The following UBE3C variants were observed in gnomAD, a reference collection of about 807,000 sequenced individuals.
UBE3C encodes the protein ubiquitin-protein ligase E3C.
UBE3C carries 42 observed loss-of-function variants against 129.4 expected under a neutral mutation model. The ratio of observed to expected loss-of-function variants is 0.32; its 90% CI spans 0.25 to 0.42. The LOEUF is 0.42. Among genes scored for constraint, UBE3C ranks in the 10% least tolerant of loss-of-function variants. The pLI, the probability that UBE3C is intolerant of heterozygous loss-of-function variation, is 1.00. For synonymous variants in UBE3C, 510 were observed against 492.4 expected (o/e 1.04, Z -0.47); for missense variants, 1,049 against 1,319.1 (o/e 0.80, Z 3.17).
At chr7:157,156,017 T>G (rs756935672) in intron 1 of UBE3C, among the ~76,000 whole-genome samples, 6 of 152,172 alleles carry the variant, frequency 3.9e-5, no homozygotes, top group Non-Finnish European at 8.8e-5. Flanking sequence ...GTACAATAAA[T>G]TGAAACCAAA....
At chr7:157,139,470 G>C in intron 1 of UBE3C, 132 bp downstream of exon 1, 1 of 827,770 alleles carries the variant, frequency 1.2e-6, no homozygotes, top group Non-Finnish European at 1.7e-6. Flanking sequence ...CCTCCCTGGC[G>C]GGGACTCGGG....
Position 157,178,723 on chromosome 7 carries a change from T to A in UBE3C, c.492T>A (p.Asn164Lys), listed in dbSNP as rs1484025911. ...LLQNCNDDSL[N>K]VALPMRMLEV... ...AAAACTGTAATGATGACAGTTTGAA[T>A]GTTGCACTTCCAATGAGAATGCTTG... Residue 164 changes from asparagine to lysine, a missense_variant, in exon 6 of 23, where the codon AAT becomes AAA. Asn to Lys is a moderately conservative substitution (Grantham distance 94). This residue lies in a region of UBE3C where 489 missense variants were observed against 513.8 expected (regional missense o/e 0.95). Transcript: ENST00000348165. 1.9e-6 allele frequency: 3 copies of A among 1,614,222 alleles called. No homozygotes were observed. Among genetic ancestry groups the A allele is most frequent in the South Asian group, 1.1e-5 (1 of 91,074 alleles).
At chr7:157,197,543 C>A in intron 10 of UBE3C, 2 of 1,064,390 alleles carry the variant, frequency 1.9e-6, no homozygotes, top group South Asian at 1.7e-5. Flanking sequence ...AGGTATTGTC[C>A]TTATTAATAC....
intron 10 of UBE3C, among the ~76,000 whole-genome samples, chr7:157,190,102 GT>G (rs1808915340): frequency 6.6e-6 from 1 of 152,156 alleles, no homozygotes; most frequent in African/African-American, 2.4e-5. Flanking sequence ...GCCCTGCTTA[GT>G]TTTTTAGTTC....
rs950931331 is a variant in UBE3C at position 157,184,105 on chromosome 7, G to A, written c.1143+76G>A. On this transcript the variant is annotated intron_variant, in intron 9 of 22. Transcript: ENST00000348165. The stretch of plus-strand genomic sequence containing the variant: ...GGATCTTCTAGCTTTCTGTCCACCC[G>A]TAGTTTCAGTTACACAAGTCAGACC... 6.6e-5 allele frequency: 102 copies of A among 1,557,170 alleles called. No homozygotes were observed. The African/African-American group carries it at 9.3e-4, about 14-fold the overall frequency.
intron 1 of UBE3C, among the ~76,000 whole-genome samples, chr7:157,149,775 A>G (rs1043320013): frequency 2.0e-5 from 3 of 152,208 alleles, no homozygotes; most frequent in Admixed American, 6.5e-5. Flanking sequence ...TCACTCTGTG[A>G]CTTTTCTTTA....
chr7:157,233,253 C>T (rs191287458), intron 18 of UBE3C, among the ~76,000 whole-genome samples: 1 of 152,090 alleles, frequency 6.6e-6, no homozygotes, highest in South Asian at 2.1e-4. Flanking sequence ...TTTGAAGGGC[C>T]AAATCTTATT....
chr7:157,220,657 G>A (rs1486554401), intron 14 of UBE3C, 32 bp from the exon 15 acceptor site: 1 of 1,613,122 alleles, frequency 6.2e-7, no homozygotes. Context: ...CTAGAGCACA[G>A]GGGAGTTCTG....
intron 21 of UBE3C, chr7:157,256,709 C>A: frequency 1.8e-6 from 1 of 541,202 alleles, no homozygotes; most frequent in Non-Finnish European, 3.3e-6. Flanking sequence ...ACAGCCTCGG[C>A]ATGAGATGGG....
At chr7:157,212,991 C>T (rs766059308) in intron 13 of UBE3C, among the ~76,000 whole-genome samples, 1 of 152,272 alleles carries the variant, frequency 6.6e-6, no homozygotes, top group Admixed American at 6.5e-5. Context: ...CTCCTAGGCT[C>T]GAGTGATCTG....
chr7:157,184,792 A>G (rs1808763248), intron 9 of UBE3C, among the ~76,000 whole-genome samples: 1 of 152,232 alleles, frequency 6.6e-6, no homozygotes, highest in Non-Finnish European at 1.5e-5. Flanking sequence ...ACTAGTATCG[A>G]ATGAAAGAGA....
chr7:157,224,304 C>G (rs1445149901), intron 16 of UBE3C, among the ~76,000 whole-genome samples: 1 of 152,140 alleles, frequency 6.6e-6, no homozygotes, highest in African/African-American at 2.4e-5. Flanking sequence ...AAGCGATTCT[C>G]CTGCTTCAGC....
chr7:157,267,561 T>A, intron 22 of UBE3C, 24 bp from the exon 23 acceptor site: 1 of 1,612,246 alleles, frequency 6.2e-7, no homozygotes, highest in Non-Finnish European at 8.5e-7. Context: ...TACAGTGACA[T>A]CTTGCACACA....
At position 157,262,493 on chromosome 7, in the gene UBE3C, G is replaced by A. The variant is rs529325422; in HGVS notation, c.3082-5092G>A. On this transcript the variant is annotated intron_variant, in intron 22 of 22. Coordinates refer to ENST00000348165, the MANE Select transcript of UBE3C (RefSeq NM_014671.3). ...GGAGTACAATGGCCCATCTCAGCTC[G>A]CTGCAACCTCTGCCTCCTGGGTTCA... 2.4e-4 allele frequency among the ~76,000 whole-genome samples: 31 copies of A among 127,630 alleles called. 1 individual carries two copies. In the South Asian group the frequency reaches 6.5e-3, roughly 27 times the overall value. 83.7% of individuals were successfully genotyped at this position (127,630 alleles called of 152,430 possible).
intron 1 of UBE3C, among the ~76,000 whole-genome samples, chr7:157,157,321 TATC>T (rs1263133573): frequency 6.6e-6 from 1 of 152,150 alleles, no homozygotes; most frequent in Admixed American, 6.5e-5. Flanking sequence ...CACATAAAAA[TATC>T]ATAACCAAGG....
At chr7:157,156,772 G>A (rs1289273310) in intron 1 of UBE3C, among the ~76,000 whole-genome samples, 1 of 149,616 alleles carries the variant, frequency 6.7e-6, no homozygotes. Context: ...TACTTCTCCT[G>A]TCCCCCTTAA....
chr7:157,178,941 C>G, intron 6 of UBE3C, 94 bp downstream of exon 6: 1 of 1,489,242 alleles, frequency 6.7e-7, no homozygotes. Context: ...CCCTCAGTCT[C>G]AATGTCAGAG....
chr7:157,149,747 C>G (rs1276806634), intron 1 of UBE3C, among the ~76,000 whole-genome samples: 1 of 152,166 alleles, frequency 6.6e-6, no homozygotes, highest in Admixed American at 6.5e-5. Flanking sequence ...GAAGTTCTTG[C>G]AAAAGCTGTA....
chr7:157,253,451 T>TA (rs1796669269), intron 19 of UBE3C, among the ~76,000 whole-genome samples: 1 of 152,246 alleles, frequency 6.6e-6, no homozygotes, highest in Admixed American at 6.5e-5. Context: ...CACTGATCGT[T>TA]ACCACCACCC....
Sources: gnomAD v4.1 joint callset for allele counts (sites outside exome capture counted in the v4.1 genomes callset) on GRCh38, gnomAD v4.1.1 for gene constraint, gnomAD v4.1.1 regional missense constraint, MANE v1.5 for transcripts, NCBI Gene and HGNC (gene_info 2026-07-23, HGNC 2026-07-21) for gene names.